The following LRP1B variants were observed in gnomAD, a reference collection of about 807,000 sequenced individuals.
LRP1B encodes low-density lipoprotein receptor-related protein 1B.
A neutral mutation model predicts 556.6 loss-of-function variants in LRP1B; 217 were observed. The observed-to-expected ratio is 0.39, with a 90% CI of 0.35 to 0.44. LRP1B has a LOEUF of 0.44. Among genes scored for constraint, LRP1B ranks in the 20% least tolerant of loss-of-function variants. The pLI is 1.00. For synonymous variants in LRP1B, 2,047 were observed against 1,865.8 expected (o/e 1.10, Z -2.50); for missense variants, 5,053 against 5,620.8 (o/e 0.90, Z 3.23).
intron 7 of LRP1B, 35 bp downstream of exon 7, chr2:141,188,385 AC>A: frequency 6.3e-7 from 1 of 1,588,710 alleles, no homozygotes; most frequent in East Asian, 2.3e-5. Flanking sequence ...TTAAACGCAA[AC>A]TTTTTTAGAC....
intron 82 of LRP1B, among the ~76,000 whole-genome samples, chr2:140,319,630 G>A (rs1427588427): frequency 6.6e-6 from 1 of 152,164 alleles, no homozygotes; most frequent in Non-Finnish European, 1.5e-5. Flanking sequence ...GGAGGGTGAA[G>A]GGTGGGAGGA....
intron 1 of LRP1B, among the ~76,000 whole-genome samples, chr2:141,999,635 C>CT (rs1559013412): frequency 6.6e-6 from 1 of 151,824 alleles, no homozygotes; most frequent in Non-Finnish European, 1.5e-5. Flanking sequence ...AATTTCATTA[C>CT]TTTTTTCTTT....
chr2:140,724,807 T>TAA (rs5834772), intron 35 of LRP1B, among the ~76,000 whole-genome samples: 24,409 of 110,688 alleles, frequency 0.22, 2,035 homozygotes, highest in Non-Finnish European at 0.24. Context: ...ATTATCGAGA[T>TAA]AAAAAAATAA....
intron 2 of LRP1B, among the ~76,000 whole-genome samples, chr2:141,554,238 C>CCA (rs1559137942): frequency 2.3e-4 from 33 of 144,466 alleles, no homozygotes; most frequent in Non-Finnish European, 3.9e-4. Context: ...TTATATATAT[C>CCA]TATAGGAATA....
At chr2:141,141,388 T>C (rs1041765059) in intron 7 of LRP1B, among the ~76,000 whole-genome samples, 1 of 152,142 alleles carries the variant, frequency 6.6e-6, no homozygotes, top group African/African-American at 2.4e-5. Flanking sequence ...ATTGTTTCCG[T>C]AATATATTTA....
At chr2:141,797,727 G>T (rs1053901489) in intron 2 of LRP1B, among the ~76,000 whole-genome samples, 3 of 151,944 alleles carry the variant, frequency 2.0e-5, no homozygotes, top group Non-Finnish European at 4.4e-5. Flanking sequence ...ATTTAATGTT[G>T]GTTACGAAGC....
At chr2:140,968,934 A>T (rs1048317598) in intron 18 of LRP1B, among the ~76,000 whole-genome samples, 7 of 152,304 alleles carry the variant, frequency 4.6e-5, no homozygotes, top group African/African-American at 1.7e-4. Flanking sequence ...TTTGCTGAAG[A>T]GTGCTTTACT....
chr2:140,619,108 CACACACAA>C (rs1341987869), intron 41 of LRP1B, among the ~76,000 whole-genome samples: 3 of 103,980 alleles, frequency 2.9e-5, no homozygotes, highest in Non-Finnish European at 4.0e-5. Flanking sequence ...CACACACACA[CACACACAA>C]CTCTGACTCA....
At chr2:140,251,611 C>A (rs1681420101) in intron 86 of LRP1B, among the ~76,000 whole-genome samples, 1 of 151,840 alleles carries the variant, frequency 6.6e-6, no homozygotes, top group African/African-American at 2.4e-5. Context: ...TACGTATGTG[C>A]AAGGTTGCCC....
chr2:141,044,425 C>A (rs1272539353), intron 11 of LRP1B, among the ~76,000 whole-genome samples: 1 of 151,418 alleles, frequency 6.6e-6, no homozygotes, highest in African/African-American at 2.4e-5. Flanking sequence ...CAAAAGGGAT[C>A]TAATTAAACT....
intron 66 of LRP1B, among the ~76,000 whole-genome samples, chr2:140,399,574 TG>T (rs1684405675): frequency 6.6e-6 from 1 of 152,220 alleles, no homozygotes; most frequent in African/African-American, 2.4e-5. Context: ...ACAGGCTCTA[TG>T]AAGAAAAGTA....
chr2:141,054,331 T>A (rs539750259), intron 10 of LRP1B, among the ~76,000 whole-genome samples: 1 of 151,996 alleles, frequency 6.6e-6, no homozygotes, highest in Non-Finnish European at 1.5e-5. Context: ...AAATTAAAAA[T>A]AATGGTGTTT....
chr2:141,062,314 A>AT, intron 7 of LRP1B, 41 bp from the exon 8 acceptor site: 1 of 1,389,122 alleles, frequency 7.2e-7, no homozygotes, highest in Non-Finnish European at 1.0e-6. Flanking sequence ...AGGGTGGGGG[A>AT]GGGAAGCACG....
chr2:141,372,374 A>G (rs1449875468), intron 3 of LRP1B, among the ~76,000 whole-genome samples: 1 of 152,048 alleles, frequency 6.6e-6, no homozygotes, highest in Non-Finnish European at 1.5e-5. Context: ...TTTGGGTTTC[A>G]TATCAGGGTG....
At chr2:141,133,725 A>AACAAGGGG (rs1310314456) in intron 7 of LRP1B, among the ~76,000 whole-genome samples, 19 of 151,996 alleles carry the variant, frequency 1.3e-4, no homozygotes, top group Admixed American at 7.2e-4. Context: ...TTTTATATGT[A>AACAAGGGG]TGTTGCAACT....
chr2:141,959,256 C>G (rs910794036), intron 1 of LRP1B, among the ~76,000 whole-genome samples: 6 of 151,938 alleles, frequency 3.9e-5, no homozygotes, highest in African/African-American at 1.4e-4. Flanking sequence ...GAATGCTACT[C>G]AGAAAGGTGG....
chr2:140,470,960 C>T (rs748846697), intron 60 of LRP1B, among the ~76,000 whole-genome samples: 3 of 152,126 alleles, frequency 2.0e-5, no homozygotes, highest in Non-Finnish European at 4.4e-5. Flanking sequence ...AGTACTCCAG[C>T]AAAGGCGTAT....
intron 1 of LRP1B, among the ~76,000 whole-genome samples, chr2:141,842,288 A>G (rs1157001652): frequency 2.0e-5 from 3 of 152,136 alleles, no homozygotes; most frequent in Non-Finnish European, 4.4e-5. Flanking sequence ...TTAAAAGGTA[A>G]TATAATTTAG....
intron 3 of LRP1B, among the ~76,000 whole-genome samples, chr2:141,394,491 A>G (rs1007564135): frequency 1.3e-5 from 2 of 152,074 alleles, no homozygotes; most frequent in African/African-American, 4.8e-5. Context: ...ATCTTTTGAA[A>G]TCTTGAAATT....
Sources: allele counts gnomAD v4.1 joint callset (sites outside exome capture counted in the v4.1 genomes callset), GRCh38; gene constraint gnomAD v4.1.1; transcripts MANE v1.5; gene names NCBI Gene and HGNC (gene_info 2026-07-23, HGNC 2026-07-21).